Variants in P2RY2 observed in about 807,000 individuals in gnomAD.
The protein encoded by P2RY2 is P2Y purinoceptor 2.
For synonymous variants in P2RY2, 241 were observed against 231.9 expected (o/e 1.04, Z -0.35); for missense variants, 567 against 515.7 (o/e 1.10, Z -0.96).
At position 73,241,434 on chromosome 11, in the gene P2RY2, CT is replaced by C; in HGVS notation, c.*6145del. The C allele has an allele frequency of 6.5e-6, 1 of 152,688 alleles. No individual in the cohort carries two copies. The allele number at this position is 152,688 out of a possible 1,614,324, so 9.5% of individuals were successfully genotyped here. Reference sequence around the variant, plus strand: ...AATTGAACTGGTAATACCAATACCTCTTTTCCCGGTTTACTAGACAGAGACA... The same window carrying C: ...AATTGAACTGGTAATACCAATACCTCTTTCCCGGTTTACTAGACAGAGACA... On this transcript the variant is annotated 3_prime_UTR_variant, in exon 3 of 3. Coordinates refer to ENST00000393597, the MANE Select transcript of P2RY2 (RefSeq NM_002564.4).
At chr11:73,226,091 C>T (rs1051384636) in intron 1 of P2RY2, among the ~76,000 whole-genome samples, 3 of 152,112 alleles carry the variant, frequency 2.0e-5, no homozygotes, top group African/African-American at 2.4e-5. Flanking sequence ...GCACAGGCCT[C>T]GGGCTGCAGT....
At chr11:73,231,562 G>GA (rs1345037576) in intron 2 of P2RY2, among the ~76,000 whole-genome samples, 51 of 121,500 alleles carry the variant, frequency 4.2e-4, no homozygotes, top group African/African-American at 5.1e-4. Flanking sequence ...GTCTCAAAAA[G>GA]AAAAAAAAAA....
Position 73,237,005 on chromosome 11 carries a change from GC to G in P2RY2, c.*1717del, listed in dbSNP as rs940635109. On this transcript the variant is annotated 3_prime_UTR_variant, in exon 3 of 3. Coordinates refer to ENST00000393597, the MANE Select transcript of P2RY2 (RefSeq NM_002564.4). ...CCTCGCCCTGTGGCCCACTCTGCCTGCCCCCTCTGACCTCTCCACCCTTCCC... is the reference window on the plus strand; with the variant it reads ...CCTCGCCCTGTGGCCCACTCTGCCTGCCCCTCTGACCTCTCCACCCTTCCC... 2.0e-6 allele frequency: 2 copies of G among 985,102 alleles called. No homozygotes were observed. Among genetic ancestry groups the G allele is most frequent in the Admixed American group, 1.2e-4 (2 of 16,250 alleles). 61.0% of individuals were successfully genotyped at this position (985,102 alleles called of 1,614,324 possible). A position where few individuals can be genotyped will look rare whatever the true frequency, so the allele number is the denominator to read the frequency against.
At position 73,235,051 on chromosome 11, in the gene P2RY2, A is replaced by G. The variant is rs766227801; in HGVS notation, c.892A>G (p.Asn298Asp). 3 of 1,608,230 alleles carry G rather than the reference A, an allele frequency of 1.9e-6. No homozygotes were observed. Among genetic ancestry groups the G allele is most frequent in the Non-Finnish European group, 2.5e-6 (3 of 1,179,924 alleles). The change falls in exon 3 of 3, where the codon AAC becomes GAC. Residue 298 changes from asparagine to aspartate, a missense_variant. Transcript: ENST00000393597. ...YKVTRPLASA[N>D]SCLDPVLYFL... ...GGTTACCCGGCCGCTGGCCAGTGCT[A>G]ACAGTTGCCTTGACCCCGTGCTCTA...
chr11:73,229,416 A>G (rs1042055283), intron 2 of P2RY2, among the ~76,000 whole-genome samples: 1 of 152,058 alleles, frequency 6.6e-6, no homozygotes, highest in East Asian at 1.9e-4. Flanking sequence ...AGTCAGGTGG[A>G]GCCGTCTCTA....
Position 73,235,248 on chromosome 11 carries a change from G to A in P2RY2, c.1089G>A (p.Glu363=). ...LGSSEDSRRT[E]STPAGSENTK... Reference sequence around the variant, plus strand: ...GCAGTGAGGACTCTAGGCGGACAGAGTCCACGCCGGCTGGTAGCGAGAACA... The same window carrying A: ...GCAGTGAGGACTCTAGGCGGACAGAATCCACGCCGGCTGGTAGCGAGAACA... Residue 363 remains glutamate (E), a synonymous_variant, in exon 3 of 3, where the codon GAG becomes GAA. Transcript: ENST00000393597. 1.9e-6 allele frequency: 3 copies of A among 1,593,428 alleles called. No individual in the cohort carries two copies. The highest frequency in any genetic ancestry group is 2.6e-6 in the Non-Finnish European group (3 of 1,170,266).
At chr11:73,229,158 A>G (rs1311083505) in intron 2 of P2RY2, among the ~76,000 whole-genome samples, 2 of 152,134 alleles carry the variant, frequency 1.3e-5, no homozygotes, top group Non-Finnish European at 2.9e-5. Context: ...CAAATTACCA[A>G]CTGGCTGAGA....
intron 2 of P2RY2, among the ~76,000 whole-genome samples, chr11:73,233,326 A>G (rs1450009954): frequency 1.3e-5 from 2 of 152,272 alleles, no homozygotes; most frequent in East Asian, 3.8e-4. Flanking sequence ...CCTTGGAAAT[A>G]CTTCCTCAAA....
intron 2 of P2RY2, among the ~76,000 whole-genome samples, chr11:73,231,433 C>T (rs1294198749): frequency 6.6e-6 from 1 of 150,510 alleles, no homozygotes; most frequent in Admixed American, 6.6e-5. Context: ...GGCACACACC[C>T]GTAATCCCAG....
At chr11:73,230,541 A>G (rs936041907) in intron 2 of P2RY2, among the ~76,000 whole-genome samples, 1 of 152,056 alleles carries the variant, frequency 6.6e-6, no homozygotes, top group East Asian at 1.9e-4. Context: ...CCCATGGTGG[A>G]GATTCTAGTA....
Position 73,234,877 on chromosome 11 carries a change from A to C in P2RY2, c.718A>C (p.Lys240Gln), listed in dbSNP as rs1337025929. 1.2e-6 allele frequency: 2 copies of C among 1,610,742 alleles called. No individual in the cohort carries two copies. Among genetic ancestry groups the C allele is most frequent in the East Asian group, 2.2e-5 (1 of 44,868 alleles). Residue 240 changes from lysine (K) to glutamine (Q), a missense_variant, in exon 3 of 3, where the codon AAG becomes CAG. Lys to Gln is a moderately conservative substitution (Grantham distance 53). Transcript: ENST00000393597. ...GACCTCGGGCGGCCTGCCTAGGGCC[A>C]AGCGCAAGTCCGTGCGCACCATCGC... ...YGTSGGLPRA[K>Q]RKSVRTIAVV...
chr11:73,222,102 T>C (rs1413835581), intron 1 of P2RY2, among the ~76,000 whole-genome samples: 1 of 152,150 alleles, frequency 6.6e-6, no homozygotes, highest in African/African-American at 2.4e-5. Flanking sequence ...CCCTCTGCCC[T>C]GGTACCTTGT....
rs371601732 is a variant in P2RY2 at position 73,229,616 on chromosome 11, T to C, written c.-5+1441T>C. Among the ~76,000 whole-genome samples the C allele has an allele frequency of 2.6e-5, 4 of 151,940 alleles. No homozygotes were observed. The East Asian group carries it at 5.8e-4, about 22-fold the overall frequency. On this transcript the variant is annotated intron_variant, in intron 2 of 2. Transcript: ENST00000393597. ...TGAGTCTGGCCCAGGGCCACGGCGA[T>C]GGAGTCCCCAGCTGGCCTGGGAGGG...
intron 2 of P2RY2, among the ~76,000 whole-genome samples, chr11:73,230,257 G>A (rs903213834): frequency 6.6e-6 from 1 of 151,770 alleles, no homozygotes; most frequent in African/African-American, 2.4e-5. Flanking sequence ...CCTCCCCACC[G>A]TTCCTCCATC....
In P2RY2 at chr11:73,242,026, A is replaced by G. The variant is rs1427888220; in HGVS notation, c.*6733A>G. The G allele has an allele frequency of 6.6e-6, 1 of 152,122 alleles. No homozygotes were observed. The highest frequency in any genetic ancestry group is 1.5e-5 in the Non-Finnish European group (1 of 68,034). 9.4% of individuals were successfully genotyped at this position (152,122 alleles called of 1,614,324 possible). A position where few individuals can be genotyped will look rare whatever the true frequency, so the allele number is the denominator to read the frequency against. On this transcript the variant is annotated 3_prime_UTR_variant, in exon 3 of 3. Transcript: ENST00000393597. Reference sequence around the variant, plus strand: ...ACCCCACACTTGGCTGAGATCTCACAGTGGCAAAGATGTCTTTGAATCCAT... The same window carrying G: ...ACCCCACACTTGGCTGAGATCTCACGGTGGCAAAGATGTCTTTGAATCCAT...
rs767689027 is a variant in P2RY2, at chr11:73,240,967, G to A, written c.*5674G>A. 1 of 152,256 alleles carries A rather than the reference G, an allele frequency of 6.6e-6. No individual in the cohort carries two copies. Among genetic ancestry groups the A allele is most frequent in the Non-Finnish European group, 1.5e-5 (1 of 68,072 alleles). The allele number at this position is 152,256 out of a possible 1,614,324, so 9.4% of individuals were successfully genotyped here. ...ATGTCAAAATCCCAACTGCCAAGGT[G>A]ATGGTATTAGAAGGTGGGGCCTTTG... On this transcript the variant is annotated 3_prime_UTR_variant, in exon 3 of 3. Coordinates refer to ENST00000393597, the MANE Select transcript of P2RY2 (RefSeq NM_002564.4).
Position 73,228,936 on chromosome 11 carries a change from G to T in P2RY2, c.-5+761G>T, listed in dbSNP as rs116465142. Among the ~76,000 whole-genome samples the T allele has an allele frequency of 2.6e-3, 398 of 152,312 alleles. 1 individual carries two copies. The highest frequency in any genetic ancestry group is 9.1e-3 in the African/African-American group (377 of 41,554). ...CTGTTTATGGGAGTGTGCAGAGGCTGCAGAGGGCTTGTGCCTGTGTGTGCC... is the reference window on the plus strand; with the variant it reads ...CTGTTTATGGGAGTGTGCAGAGGCTTCAGAGGGCTTGTGCCTGTGTGTGCC... On this transcript the variant is annotated intron_variant, in intron 2 of 2. Coordinates refer to ENST00000393597, the MANE Select transcript of P2RY2 (RefSeq NM_002564.4).
intron 2 of P2RY2, among the ~76,000 whole-genome samples, chr11:73,230,099 A>G (rs1471915767): frequency 1.3e-5 from 2 of 151,918 alleles, no homozygotes; most frequent in African/African-American, 4.8e-5. Flanking sequence ...GCCTCTCCGT[A>G]GCTCCTTAGT....
Position 73,234,357 on chromosome 11 carries a change from T to G in P2RY2, c.198T>G (p.Asn66Lys). Residue 66 changes from asparagine (N) to lysine (K), a missense_variant, in exon 3 of 3, where the codon AAT (asparagine) becomes AAG (lysine). Asn to Lys is a moderately conservative substitution (Grantham distance 94). Coordinates refer to ENST00000393597, the MANE Select transcript of P2RY2 (RefSeq NM_002564.4). ...TCTTGTGCCGCCTCAAGACCTGGAA[T>G]GCGTCCACCACATATATGTTCCACC... ...YIFLCRLKTWNASTTYMFHLA... is the reference protein window; with the variant it reads ...YIFLCRLKTWKASTTYMFHLA... 1 of 1,614,230 alleles carries G rather than the reference T, an allele frequency of 6.2e-7. No homozygotes were observed. The highest frequency in any genetic ancestry group is 8.5e-7 in the Non-Finnish European group (1 of 1,180,038).
Sources: allele counts gnomAD v4.1 joint callset (sites outside exome capture counted in the v4.1 genomes callset), GRCh38; gene constraint gnomAD v4.1.1; transcripts MANE v1.5; gene names NCBI Gene and HGNC (gene_info 2026-07-23, HGNC 2026-07-21).